Variants in KLF12 observed in about 807,000 individuals in gnomAD.
KLF12 encodes the protein KLF transcription factor 12, also known as Krueppel-like factor 12.
In KLF12, 9 loss-of-function variants were observed where a neutral mutation model predicts 37.8. That is an observed-to-expected ratio of 0.24 (90% CI 0.14 to 0.42). The LOEUF (loss-of-function observed/expected upper bound fraction) is 0.42. Ranked by LOEUF, KLF12 falls within the 10% of genes least tolerant of loss-of-function variation. The pLI is 1.00. For synonymous variants in KLF12, 208 were observed against 202.1 expected, an observed-to-expected ratio of 1.03 and a Z score of -0.25; for missense variants, 411 against 516.0, an observed-to-expected ratio of 0.80 and a Z score of 1.97.
chr13:73,982,641 T>C (rs960842251), intron 2 of KLF12, among the ~76,000 whole-genome samples: 6 of 152,032 alleles, frequency 3.9e-5, no homozygotes, highest in Non-Finnish European at 7.4e-5. Flanking sequence ...ACACTTGGTA[T>C]AGGAAAAAAA....
Position 73,746,810 on chromosome 13 carries a change from CTTTTTTTTTTT to C in KLF12, c.869+18117_869+18127del, listed in dbSNP as rs776746904. Among the ~76,000 whole-genome samples, 10 of 119,832 alleles carry C rather than the reference CTTTTTTTTTTT, an allele frequency of 8.3e-5. No homozygotes were observed. In the South Asian group the frequency reaches 1.1e-3, roughly 14 times the overall value. 78.6% of individuals were successfully genotyped at this position (119,832 alleles called of 152,430 possible). A position where few individuals can be genotyped will look rare whatever the true frequency, so the allele number is the denominator to read the frequency against. ...TTAAAGCCATGCCCCTCCCTCCCTC[CTTTTTTTTTTT>C]TTTTTTTTTGAGATGGAGTCTCTTG... is the stretch of plus-strand genomic sequence containing the variant. On this transcript the variant is annotated intron_variant, in intron 6 of 7. Coordinates refer to ENST00000377669, the MANE Select transcript of KLF12 (RefSeq NM_007249.5).
At chr13:74,256,933 T>C in the KLF12 span, 1 of 152,150 alleles carries the variant, frequency 6.6e-6, no homozygotes, top group African/African-American at 2.4e-5. Context: ...GTTGTTGCAG[T>C]TGTTATTCCG....
intron 5 of KLF12, among the ~76,000 whole-genome samples, chr13:73,812,259 G>A (rs1030564905): frequency 6.6e-6 from 1 of 152,074 alleles, no homozygotes; most frequent in African/African-American, 2.4e-5. Context: ...ACTGGTCAAA[G>A]GGTACAAATT....
At chr13:73,925,402 A>G (rs1171671268) in intron 3 of KLF12, among the ~76,000 whole-genome samples, 2 of 152,200 alleles carry the variant, frequency 1.3e-5, no homozygotes, top group Admixed American at 1.3e-4. Context: ...AAATGGAACA[A>G]CAAAGCCTGG....
intron 3 of KLF12, among the ~76,000 whole-genome samples, chr13:73,901,559 T>C (rs558577943): frequency 2.0e-5 from 3 of 152,052 alleles, no homozygotes; most frequent in African/African-American, 7.3e-5. Context: ...TGGTTATAAA[T>C]GATTGTGGTC....
At chr13:74,260,728 G>T in the KLF12 span, among the ~76,000 whole-genome samples, 1 of 151,818 alleles carries the variant, frequency 6.6e-6, no homozygotes, top group African/African-American at 2.4e-5. Context: ...AGTAATGAAG[G>T]TGCTGAACAT....
At chr13:73,985,705 T>C (rs1436555381) in intron 2 of KLF12, among the ~76,000 whole-genome samples, 1 of 152,196 alleles carries the variant, frequency 6.6e-6, no homozygotes, top group Non-Finnish European at 1.5e-5. Context: ...ATCCCTGAGA[T>C]GTGAAGCTAT....
chr13:73,956,325 G>A (rs1040386581), intron 2 of KLF12, among the ~76,000 whole-genome samples: 2 of 152,166 alleles, frequency 1.3e-5, no homozygotes, highest in African/African-American at 4.8e-5. Flanking sequence ...TGCCAATAGA[G>A]AGAGTATATT....
At position 73,688,676 on chromosome 13, in the gene KLF12, T is replaced by C. The variant is rs1873640228; in HGVS notation, c.*6814A>G. The C allele has an allele frequency of 6.6e-6, 1 of 152,244 alleles. No individual in the cohort carries two copies. The highest frequency in any genetic ancestry group is 1.5e-5 in the Non-Finnish European group (1 of 68,048). The allele number at this position is 152,244 out of a possible 1,614,324, so 9.4% of individuals were successfully genotyped here. A position where few individuals can be genotyped will look rare whatever the true frequency, so the allele number is the denominator to read the frequency against. On this transcript the variant is annotated 3_prime_UTR_variant, in exon 8 of 8. Coordinates refer to ENST00000377669, the MANE Select transcript of KLF12 (RefSeq NM_007249.5). ...TTTGTTTATAATGATCCTTCATGCA[T>C]GATTTTCCGGGAAAGGCCTGATTTC...
At chr13:74,160,956 A>G in the KLF12 span, among the ~76,000 whole-genome samples, 1 of 152,176 alleles carries the variant, frequency 6.6e-6, no homozygotes, top group African/African-American at 2.4e-5. Flanking sequence ...AGGAGTAGCC[A>G]AGGTGGGAAC....
At chr13:73,842,851 A>C (rs1341344256) in intron 4 of KLF12, among the ~76,000 whole-genome samples, 1 of 131,972 alleles carries the variant, frequency 7.6e-6, no homozygotes, top group Non-Finnish European at 1.8e-5. Flanking sequence ...TGCTAAACAA[A>C]GAACTGAGGA....
chr13:73,713,155 T>C (rs1053666578), intron 7 of KLF12, among the ~76,000 whole-genome samples: 1 of 152,176 alleles, frequency 6.6e-6, no homozygotes, highest in Non-Finnish European at 1.5e-5. Flanking sequence ...AAGATGTTAG[T>C]TGGTTCATGA....
intron 3 of KLF12, among the ~76,000 whole-genome samples, chr13:73,891,932 A>G (rs1887525511): frequency 6.6e-6 from 1 of 152,172 alleles, no homozygotes; most frequent in Non-Finnish European, 1.5e-5. Context: ...AAGCCAAAGT[A>G]ATAATCTCCC....
the KLF12 span, among the ~76,000 whole-genome samples, chr13:74,180,271 G>A: frequency 6.6e-6 from 1 of 152,222 alleles, no homozygotes; most frequent in African/African-American, 2.4e-5. Context: ...GAGTTGGTTT[G>A]CTGAATTTAG....
chr13:74,041,303 C>A (rs757369365), intron 1 of KLF12, among the ~76,000 whole-genome samples: 4 of 152,172 alleles, frequency 2.6e-5, no homozygotes, highest in Non-Finnish European at 5.9e-5. Context: ...AGTATAGTTT[C>A]TCATGTAGGT....
At chr13:73,982,909 T>C (rs945069204) in intron 2 of KLF12, among the ~76,000 whole-genome samples, 10 of 152,308 alleles carry the variant, frequency 6.6e-5, no homozygotes, top group African/African-American at 2.4e-4. Context: ...GGATTTCATT[T>C]TTCTTTCTTC....
chr13:74,269,370 A>G, the KLF12 span, among the ~76,000 whole-genome samples: 2 of 152,114 alleles, frequency 1.3e-5, no homozygotes, highest in Non-Finnish European at 2.9e-5. Context: ...TACTGAGTTC[A>G]CAGTATGCTC....
the KLF12 span, among the ~76,000 whole-genome samples, chr13:74,194,187 G>T: frequency 6.6e-6 from 1 of 152,140 alleles, no homozygotes; most frequent in African/African-American, 2.4e-5. Flanking sequence ...CTCCAATCAA[G>T]TTGTTTTCTG....
intron 4 of KLF12, among the ~76,000 whole-genome samples, chr13:73,830,794 T>G (rs371181268): frequency 6.6e-6 from 1 of 152,158 alleles, no homozygotes; most frequent in African/African-American, 2.4e-5. Context: ...GGGCCAGATA[T>G]GTCTAAAAAT....
Sources: gnomAD v4.1 joint callset for allele counts (sites outside exome capture counted in the v4.1 genomes callset) on GRCh38, gnomAD v4.1.1 for gene constraint, MANE v1.5 for transcripts, NCBI Gene and HGNC (gene_info 2026-07-23, HGNC 2026-07-21) for gene names.